Variants in LITAF observed in about 807,000 individuals in gnomAD.
The protein encoded by LITAF is lipopolysaccharide-induced tumor necrosis factor-alpha factor.
A neutral mutation model predicts 14.5 loss-of-function variants in LITAF; 9 were observed. The ratio of observed to expected loss-of-function variants is 0.62; its 90% confidence interval spans 0.37 to 1.08. The LOEUF is 1.08. Among genes scored for constraint, LITAF ranks in the 50% least tolerant of loss-of-function variants. The probability of loss-of-function intolerance (pLI) is 0.01; values close to 1 mark genes in which losing one functional copy is unlikely to be tolerated. For synonymous variants in LITAF, 98 were observed against 88.2 expected, an observed-to-expected ratio of 1.11 and a Z score of -0.62; for missense variants, 206 against 213.4, an observed-to-expected ratio of 0.97 and a Z score of 0.22.
chr16:11,607,550 A>G (rs2064961078), intron 3 of LITAF, among the ~76,000 whole-genome samples: 1 of 152,112 alleles, frequency 6.6e-6, no homozygotes, highest in African/African-American at 2.4e-5. Flanking sequence ...TTCGGGAAAA[A>G]AAAAAAAAGT....
rs1186315746 is a variant in LITAF, at chr16:11,558,698, ACT to A, written c.-5-1965_-5-1964del. Among the ~76,000 whole-genome samples, 1 of 152,022 alleles carries A rather than the reference ACT, an allele frequency of 6.6e-6. No individual in the cohort carries two copies. Among genetic ancestry groups the A allele is most frequent in the African/African-American group, 2.4e-5 (1 of 41,378 alleles). On this transcript the variant is annotated intron_variant, in intron 1 of 3. Coordinates refer to ENST00000622633, the MANE Select transcript of LITAF (RefSeq NM_001136472.2). The surrounding 1 kb of genome is among the most constrained non-coding windows in gnomAD (Gnocchi z 4.1). ...ACTCCAGCCTGGGAAACAGAGCGAGACTCTGTCTCAAAAACAAACAAACGAAA... is the reference window on the plus strand; with the variant it reads ...ACTCCAGCCTGGGAAACAGAGCGAGACTGTCTCAAAAACAAACAAACGAAA...
At chr16:11,559,979 A>G (rs12919608) in intron 1 of LITAF, among the ~76,000 whole-genome samples, 44,505 of 151,402 alleles carry the variant, frequency 0.29, 7,004 homozygotes, top group Non-Finnish European at 0.33. Context: ...GACTGTCTCA[A>G]AAATAAATAA....
At chr16:11,625,426 C>T (rs2141899321) in intron 3 of LITAF, among the ~76,000 whole-genome samples, 1 of 152,102 alleles carries the variant, frequency 6.6e-6, no homozygotes, top group East Asian at 1.9e-4. Context: ...CCATGCCAGG[C>T]TCATTTACGC....
Position 11,618,183 on chromosome 16 carries a change from TTCTG to T in LITAF, c.85+15346_85+15349del, listed in dbSNP as rs1021210967. 5.9e-5 allele frequency among the ~76,000 whole-genome samples: 9 copies of T among 152,204 alleles called. 1 individual carries two copies. The highest frequency in any genetic ancestry group is 1.9e-4 in the African/African-American group (8 of 41,460). On this transcript the variant is annotated intron_variant, in intron 3 of 3. Transcript: ENST00000574848. ...CACCTGGCCATAACCCATTTATTTA[TTCTG>T]TCTTTTACCTCCAGCTATTTTTGTT...
chr16:11,630,146 C>G (rs534012403), intron 3 of LITAF, among the ~76,000 whole-genome samples: 1 of 152,296 alleles, frequency 6.6e-6, no homozygotes, highest in South Asian at 2.1e-4. Context: ...AGGAACCAGA[C>G]CCCTGGCGTT....
intron 2 of LITAF, among the ~76,000 whole-genome samples, chr16:11,635,635 C>G (rs560905600): frequency 6.6e-6 from 1 of 152,346 alleles, no homozygotes; most frequent in African/African-American, 2.4e-5. Flanking sequence ...GCCTCTGACC[C>G]CATATCTGTC....
At chr16:11,593,186 A>G (rs1181567393) in intron 1 of LITAF, among the ~76,000 whole-genome samples, 1 of 150,850 alleles carries the variant, frequency 6.6e-6, no homozygotes, top group African/African-American at 2.4e-5. Context: ...AAATAAATAA[A>G]TAAAAATAAA....
At chr16:11,596,275 AG>A (rs1454187920) in intron 1 of LITAF, among the ~76,000 whole-genome samples, 1 of 152,114 alleles carries the variant, frequency 6.6e-6, no homozygotes, top group African/African-American at 2.4e-5. Flanking sequence ...GCTTCAGGGC[AG>A]GGGCCCTGTA....
intron 1 of LITAF, among the ~76,000 whole-genome samples, chr16:11,597,388 T>C (rs1229277415): frequency 1.3e-5 from 2 of 151,762 alleles, no homozygotes; most frequent in Non-Finnish European, 2.9e-5. Flanking sequence ...GGAGCATGAG[T>C]CATAGAATTA....
upstream of LITAF, among the ~76,000 whole-genome samples, chr16:11,638,571 C>T (rs578114908): frequency 6.6e-6 from 1 of 151,536 alleles, no homozygotes; most frequent in Non-Finnish European, 1.5e-5. Flanking sequence ...CGTGGTGGTG[C>T]ATGTCTGTAA....
At chr16:11,619,635 T>C (rs2065038410) in intron 3 of LITAF, among the ~76,000 whole-genome samples, 1 of 151,328 alleles carries the variant, frequency 6.6e-6, no homozygotes, top group Non-Finnish European at 1.5e-5. Context: ...GGTATGATCA[T>C]AGCTCACTGC....
Position 11,586,626 on chromosome 16 carries a change from C to G in LITAF, c.-6+260G>C, listed in dbSNP as rs1277984455. Among the ~76,000 whole-genome samples, 13 of 151,802 alleles carry G rather than the reference C, an allele frequency of 8.6e-5. No individual in the cohort carries two copies. On this transcript the variant is annotated intron_variant, in intron 1 of 3. Transcript: ENST00000622633. This position sits in a 1 kb window ranked among gnomAD's most constrained non-coding sequence, Gnocchi z 6.5. ...GCCGGACGACCCCGCCACGCGCGAT[C>G]GGGCCACTCTGGGACGCAGGAGCTG... is the stretch of plus-strand genomic sequence containing the variant.
rs80250273 is a variant in LITAF at position 11,630,022 on chromosome 16, C to A, written c.85+3511G>T. On this transcript the variant is annotated intron_variant, in intron 3 of 3. Transcript: ENST00000574848. Reference sequence around the variant, plus strand: ...TTCGGGTGCCTTCCTGGACTCATTCCAGCACCCACAGGTGCTCAGCGCACT... The same window carrying A: ...TTCGGGTGCCTTCCTGGACTCATTCAAGCACCCACAGGTGCTCAGCGCACT... Among the ~76,000 whole-genome samples, 1,969 of 152,236 alleles carry A rather than the reference C, an allele frequency of 0.013. 72 individuals are homozygous for A. In the East Asian group the frequency reaches 0.14, roughly 11 times the overall value.
chr16:11,615,533 G>A (rs142280642), intron 3 of LITAF, among the ~76,000 whole-genome samples: 117 of 151,614 alleles, frequency 7.7e-4, no homozygotes, highest in East Asian at 7.4e-3. Context: ...GTGAAACTCC[G>A]TCTCAATAAA....
chr16:11,614,760 G>C (rs1168807377), intron 3 of LITAF, among the ~76,000 whole-genome samples: 3 of 152,188 alleles, frequency 2.0e-5, no homozygotes, highest in Non-Finnish European at 4.4e-5. Flanking sequence ...AGTGTGCCCG[G>C]ACTGTTTTCA....
At position 11,586,413 on chromosome 16, in the gene LITAF, T is replaced by C. The variant is rs1052900907; in HGVS notation, c.-6+473A>G. Reference sequence around the variant, plus strand: ...CCCTAGAAGTCAAATGTTTGGCAAATAGCATTTGGGAATTCGTTGGGGTTT... The same window carrying C: ...CCCTAGAAGTCAAATGTTTGGCAAACAGCATTTGGGAATTCGTTGGGGTTT... On this transcript the variant is annotated intron_variant, in intron 1 of 3. Coordinates refer to ENST00000622633, the MANE Select transcript of LITAF (RefSeq NM_001136472.2). This position sits in a 1 kb window ranked among gnomAD's most constrained non-coding sequence, Gnocchi z 6.5. 3 of 152,120 alleles carry C rather than the reference T, an allele frequency of 2.0e-5. No individual in the cohort carries two copies. The highest frequency in any genetic ancestry group is 4.8e-5 in the African/African-American group (2 of 41,438). 9.4% of individuals were successfully genotyped at this position (152,120 alleles called of 1,614,324 possible). A position where few individuals can be genotyped will look rare whatever the true frequency, so the allele number is the denominator to read the frequency against.
At chr16:11,578,810 T>G (rs1054154247) in intron 1 of LITAF, among the ~76,000 whole-genome samples, 3 of 152,314 alleles carry the variant, frequency 2.0e-5, no homozygotes, top group African/African-American at 7.2e-5. Flanking sequence ...GAATCCCTCA[T>G]CTTCAAAAAG....
chr16:11,601,896 T>C (rs961083486), upstream of LITAF, among the ~76,000 whole-genome samples: 4 of 152,200 alleles, frequency 2.6e-5, no homozygotes, highest in East Asian at 1.9e-4. Flanking sequence ...CCTGGGAATC[T>C]ACCACATGGA....
chr16:11,621,222 GC>G (rs1213107500), intron 3 of LITAF, among the ~76,000 whole-genome samples: 1 of 152,102 alleles, frequency 6.6e-6, no homozygotes, highest in Non-Finnish European at 1.5e-5. Flanking sequence ...GTGCCACCAC[GC>G]CCAACTAATT....
Sources: allele counts gnomAD v4.1 joint callset (sites outside exome capture counted in the v4.1 genomes callset), GRCh38; gene constraint gnomAD v4.1.1; non-coding constraint Gnocchi (gnomAD v3.1); transcripts MANE v1.5; gene names NCBI Gene and HGNC (gene_info 2026-07-23, HGNC 2026-07-21).